TFDP2: variants seen among roughly 807,000 people sequenced by gnomAD.
TFDP2 encodes transcription factor Dp-2 (E2F dimerization partner 2).
Under a neutral mutation model 59.3 loss-of-function variants are expected in TFDP2, and 17 were observed. The observed-to-expected ratio is 0.29, with a 90% confidence interval of 0.20 to 0.43. The LOEUF is 0.43. Among genes scored for constraint, TFDP2 ranks in the 20% least tolerant of loss-of-function variants. The pLI, the probability that TFDP2 is intolerant of heterozygous loss-of-function variation, is 1.00. For missense variants in TFDP2, 391 were observed against 528.8 expected (o/e 0.74, Z 2.56); for synonymous variants, 180 against 194.7 (o/e 0.92, Z 0.63).
intron 3 of TFDP2, among the ~76,000 whole-genome samples, chr3:142,069,202 C>G (rs2060163927): frequency 6.6e-6 from 1 of 152,160 alleles, no homozygotes. Flanking sequence ...GAGTGAGACA[C>G]CGCGCGCGGT....
intron 1 of TFDP2, among the ~76,000 whole-genome samples, chr3:142,110,164 A>G (rs886987341): frequency 6.6e-6 from 1 of 152,168 alleles, no homozygotes; most frequent in East Asian, 1.9e-4. Flanking sequence ...GATTACAAGC[A>G]TGAGCCACCA....
chr3:141,969,996 A>G, intron 9 of TFDP2, 77 bp downstream of exon 9: 1 of 1,426,454 alleles, frequency 7.0e-7, no homozygotes, highest in Non-Finnish European at 9.9e-7. Flanking sequence ...AGGCACCACA[A>G]TTAGAAAACA....
chr3:141,963,061 A>G (rs1345728849), intron 10 of TFDP2, among the ~76,000 whole-genome samples: 1 of 152,170 alleles, frequency 6.6e-6, no homozygotes, highest in Non-Finnish European at 1.5e-5. Flanking sequence ...GAGAAAACAG[A>G]GCTTTGCAGC....
intron 3 of TFDP2, among the ~76,000 whole-genome samples, chr3:142,088,241 A>G (rs1038870557): frequency 6.6e-6 from 1 of 152,158 alleles, no homozygotes; most frequent in African/African-American, 2.4e-5. Context: ...CAATCTTTAT[A>G]TGTGTCTCAC....
intron 3 of TFDP2, among the ~76,000 whole-genome samples, chr3:142,053,152 T>A (rs114282846): frequency 8.6e-4 from 131 of 152,292 alleles, no homozygotes; most frequent in African/African-American, 3.1e-3. Flanking sequence ...CTATCTTTTT[T>A]AATTGAAAAA....
chr3:142,101,159 AG>A (rs2061304955), intron 2 of TFDP2, among the ~76,000 whole-genome samples: 3 of 152,194 alleles, frequency 2.0e-5, no homozygotes, highest in Non-Finnish European at 4.4e-5. Flanking sequence ...ATTAATAAAC[AG>A]TGACAAATAA....
intron 2 of TFDP2, among the ~76,000 whole-genome samples, chr3:142,100,163 A>G (rs2061276588): frequency 6.6e-6 from 1 of 152,266 alleles, no homozygotes; most frequent in African/African-American, 2.4e-5. Flanking sequence ...GGCAATATTT[A>G]GAACTATCGG....
intron 3 of TFDP2, among the ~76,000 whole-genome samples, chr3:142,064,899 T>G (rs981773251): frequency 1.5e-4 from 23 of 152,244 alleles, no homozygotes; most frequent in African/African-American, 5.3e-4. Flanking sequence ...TCCTTTATTT[T>G]TTGTTTTAAA....
intron 1 of TFDP2, among the ~76,000 whole-genome samples, chr3:142,127,070 G>A (rs1262889133): frequency 1.3e-5 from 2 of 148,832 alleles, no homozygotes; most frequent in African/African-American, 4.9e-5. Context: ...TAATGTATAT[G>A]TAATTAGATG....
intron 3 of TFDP2, among the ~76,000 whole-genome samples, chr3:142,044,628 C>T (rs1432733307): frequency 6.6e-6 from 1 of 152,182 alleles, no homozygotes; most frequent in African/African-American, 2.4e-5. Flanking sequence ...ACCTCGGCTT[C>T]CCAAAGTGCT....
chr3:142,007,178 C>G (rs560782842), intron 3 of TFDP2, among the ~76,000 whole-genome samples: 24 of 152,298 alleles, frequency 1.6e-4, no homozygotes, highest in Admixed American at 7.2e-4. Flanking sequence ...TCCATTGGCC[C>G]TTTCCCTTCA....
At chr3:141,968,329 A>AC (rs1938510802) in intron 9 of TFDP2, among the ~76,000 whole-genome samples, 3 of 103,494 alleles carry the variant, frequency 2.9e-5, no homozygotes, top group African/African-American at 1.2e-4. Flanking sequence ...ATAACATATA[A>AC]TATATATAAT....
At chr3:142,070,092 A>G (rs528759900) in intron 3 of TFDP2, among the ~76,000 whole-genome samples, 1 of 151,664 alleles carries the variant, frequency 6.6e-6, no homozygotes, top group South Asian at 2.1e-4. Flanking sequence ...TTTTTAGTAG[A>G]GACAGGGTTT....
At chr3:142,141,470 A>G (rs1490592271) in intron 1 of TFDP2, among the ~76,000 whole-genome samples, 4 of 152,200 alleles carry the variant, frequency 2.6e-5, no homozygotes, top group Non-Finnish European at 5.9e-5. Flanking sequence ...TGGGAGCTGC[A>G]GACTGGAGCT....
At chr3:142,146,956 G>A (rs1475184666) in intron 1 of TFDP2, among the ~76,000 whole-genome samples, 1 of 151,860 alleles carries the variant, frequency 6.6e-6, no homozygotes, top group African/African-American at 2.4e-5. Flanking sequence ...AACATGGCGA[G>A]GTGTGTGCCT....
At chr3:142,043,681 T>G in intron 3 of TFDP2, 1 of 1,054,778 alleles carries the variant, frequency 9.5e-7, no homozygotes, top group Non-Finnish European at 1.5e-6. Flanking sequence ...CTTCTTGGCC[T>G]GCAGGCGTTC....
At chr3:142,010,381 T>A (rs1944563209) in intron 3 of TFDP2, among the ~76,000 whole-genome samples, 1 of 151,982 alleles carries the variant, frequency 6.6e-6, no homozygotes, top group Non-Finnish European at 1.5e-5. Flanking sequence ...GAGGCCAAGG[T>A]GGGTGGATCA....
At chr3:142,080,553 T>A (rs916727032) in intron 3 of TFDP2, among the ~76,000 whole-genome samples, 1 of 151,642 alleles carries the variant, frequency 6.6e-6, no homozygotes, top group Admixed American at 6.6e-5. Flanking sequence ...AGACATAGAG[T>A]GGCTGAATGG....
At chr3:142,043,831 TTCA>T in intron 3 of TFDP2, 3 of 1,539,222 alleles carry the variant, frequency 1.9e-6, no homozygotes, top group Non-Finnish European at 9.0e-7. Flanking sequence ...CACATTTCCC[TTCA>T]CCTTCAGGTA....
Sources: allele counts gnomAD v4.1 joint callset (sites outside exome capture counted in the v4.1 genomes callset), GRCh38; gene constraint gnomAD v4.1.1; transcripts MANE v1.5; gene names NCBI Gene and HGNC (gene_info 2026-07-23, HGNC 2026-07-21).